The following CNTNAP4 variants were observed in gnomAD, a reference collection of about 807,000 sequenced individuals.
CNTNAP4 encodes the protein contactin-associated protein-like 4.
A neutral mutation model predicts 148.4 loss-of-function variants in CNTNAP4; 98 were observed. The observed-to-expected ratio is 0.66, with a 90% CI of 0.56 to 0.78. The LOEUF is 0.78. Among genes scored for constraint, CNTNAP4 ranks in the 30% least tolerant of loss-of-function variants. CNTNAP4 has a pLI of 0.00. For synonymous variants in CNTNAP4, 730 were observed against 565.1 expected (o/e 1.29, Z -4.14); for missense variants, 1,935 against 1,565.6 (o/e 1.24, Z -3.98).
Position 76,396,401 on chromosome 16 carries a change from T to C in CNTNAP4, c.391-31051T>C, listed in dbSNP as rs150521192. Among the ~76,000 whole-genome samples, 189 of 152,252 alleles carry C rather than the reference T, an allele frequency of 1.2e-3. 1 individual carries two copies. In the East Asian group the frequency reaches 0.023, roughly 18 times the overall value. The stretch of plus-strand genomic sequence containing the variant: ...GATGCACCCTATGTGAGTATCCTAA[T>C]TTTTATCAAGGAGGTAGGAAGAATG... On this transcript the variant is annotated intron_variant, in intron 3 of 23. Coordinates refer to ENST00000611870, the MANE Select transcript of CNTNAP4 (RefSeq NM_033401.5).
At chr16:76,372,515 T>G (rs1043978017) in intron 3 of CNTNAP4, among the ~76,000 whole-genome samples, 3 of 152,140 alleles carry the variant, frequency 2.0e-5, no homozygotes, top group Non-Finnish European at 2.9e-5. Flanking sequence ...AGGGACCCAA[T>G]GTGAGATAAT....
chr16:76,389,717 C>T (rs1026224753), intron 3 of CNTNAP4, among the ~76,000 whole-genome samples: 1 of 152,138 alleles, frequency 6.6e-6, no homozygotes, highest in Non-Finnish European at 1.5e-5. Context: ...CTGCCTGACT[C>T]AGCCTCCCAA....
Position 76,494,964 on chromosome 16 carries a change from G to T in CNTNAP4, c.2135G>T (p.Trp712Leu), listed in dbSNP as rs2082350316. Residue 712 changes from tryptophan to leucine, a missense_variant, in exon 14 of 24, where the codon TGG becomes TTG. Coordinates refer to ENST00000611870, the MANE Select transcript of CNTNAP4 (RefSeq NM_033401.5). ...AGAACCAATGAAACGCAAACCTACT[G>T]GGGAGGTTCTTCGCCTGATCTTCAA... ...VGRTNETQTY[W>L]GGSSPDLQKC... is the part of the protein sequence containing the mutation. The T allele has an allele frequency of 6.2e-7, 1 of 1,613,466 alleles. No homozygotes were observed. Among genetic ancestry groups the T allele is most frequent in the Admixed American group, 1.7e-5 (1 of 59,980 alleles).
intron 12 of CNTNAP4, among the ~76,000 whole-genome samples, chr16:76,486,206 C>T (rs546223999): frequency 1.3e-5 from 2 of 152,162 alleles, no homozygotes; most frequent in Admixed American, 1.3e-4. Context: ...TCCCTGTCTC[C>T]TTACCCTACC....
intron 4 of CNTNAP4, among the ~76,000 whole-genome samples, chr16:76,439,604 T>G (rs2079960685): frequency 6.6e-6 from 1 of 152,164 alleles, no homozygotes; most frequent in Non-Finnish European, 1.5e-5. Context: ...CAAATCTGTT[T>G]AAAAGATTAA....
intron 3 of CNTNAP4, among the ~76,000 whole-genome samples, chr16:76,398,363 A>G (rs1044803870): frequency 6.6e-5 from 10 of 152,024 alleles, no homozygotes; most frequent in Non-Finnish European, 1.0e-4. Flanking sequence ...TTGACACTCA[A>G]TATTAACCAT....
chr16:76,346,974 G>GCA (rs1434276744), intron 2 of CNTNAP4, among the ~76,000 whole-genome samples: 16 of 152,158 alleles, frequency 1.1e-4, no homozygotes, highest in Non-Finnish European at 2.1e-4. Flanking sequence ...AACTAAAACA[G>GCA]AAGACAATTT....
chr16:76,533,825 T>C (rs1476478529), intron 17 of CNTNAP4, among the ~76,000 whole-genome samples: 2 of 152,164 alleles, frequency 1.3e-5, no homozygotes, highest in Non-Finnish European at 2.9e-5. Flanking sequence ...TCTAGATTTA[T>C]AAATAGATTT....
chr16:76,392,727 G>C (rs1384571619), intron 3 of CNTNAP4, among the ~76,000 whole-genome samples: 2 of 152,162 alleles, frequency 1.3e-5, no homozygotes, highest in Non-Finnish European at 2.9e-5. Context: ...TTAGGGAGGA[G>C]CTCTTTTTTG....
intron 8 of CNTNAP4, among the ~76,000 whole-genome samples, chr16:76,461,229 T>G (rs997623233): frequency 6.6e-6 from 1 of 152,106 alleles, no homozygotes; most frequent in Non-Finnish European, 1.5e-5. Flanking sequence ...AAAACATTAT[T>G]TACAGTATGA....
intron 3 of CNTNAP4, among the ~76,000 whole-genome samples, chr16:76,368,129 T>C (rs1391636455): frequency 2.6e-5 from 4 of 152,212 alleles, no homozygotes; most frequent in African/African-American, 7.2e-5. Flanking sequence ...GTACAAAACA[T>C]ACCAGCAGGA....
In CNTNAP4 at chr16:76,495,206, G is replaced by T. The variant is rs549037167; in HGVS notation, c.2237+140G>T. 9 of 818,102 alleles carry T rather than the reference G, an allele frequency of 1.1e-5. 1 individual carries two copies. Among genetic ancestry groups the T allele is most frequent in the Non-Finnish European group, 1.7e-5 (9 of 519,720 alleles). 50.7% of individuals were successfully genotyped at this position (818,102 alleles called of 1,614,324 possible). ...TAAAGGTTTGTTTTAATGAAACGTGGTGTAGTCAATATAATCGTTAGTATT... is the reference window on the plus strand; with the variant it reads ...TAAAGGTTTGTTTTAATGAAACGTGTTGTAGTCAATATAATCGTTAGTATT... On this transcript the variant is annotated intron_variant, in intron 14 of 23. Transcript: ENST00000611870.
chr16:76,475,656 A>T (rs78010884), intron 10 of CNTNAP4, among the ~76,000 whole-genome samples: 2,299 of 152,286 alleles, frequency 0.015, 71 homozygotes, highest in African/African-American at 0.053. Flanking sequence ...TTCTGCCAAC[A>T]TATTGAATTC....
intron 3 of CNTNAP4, among the ~76,000 whole-genome samples, chr16:76,398,969 G>A (rs2078307368): frequency 6.6e-6 from 1 of 151,962 alleles, no homozygotes; most frequent in South Asian, 2.1e-4. Context: ...TTGAATTATG[G>A]GGCAGTTTTC....
At chr16:76,364,806 T>C (rs1250894547) in intron 3 of CNTNAP4, among the ~76,000 whole-genome samples, 1 of 152,212 alleles carries the variant, frequency 6.6e-6, no homozygotes, top group Non-Finnish European at 1.5e-5. Context: ...AAAAAATATT[T>C]ACAACTATTC....
chr16:76,482,430 CA>C (rs67310374), intron 12 of CNTNAP4, among the ~76,000 whole-genome samples: 16,311 of 96,938 alleles, frequency 0.17, 1,110 homozygotes, highest in South Asian at 0.25. Context: ...CTGTTTTACA[CA>C]ATTTTTTTTT....
At chr16:76,326,353 G>A (rs1424847930) in intron 2 of CNTNAP4, among the ~76,000 whole-genome samples, 2 of 152,182 alleles carry the variant, frequency 1.3e-5, no homozygotes, top group African/African-American at 4.8e-5. Flanking sequence ...AATATCAAAA[G>A]CCAGGACTCC....
intron 1 of CNTNAP4, among the ~76,000 whole-genome samples, chr16:76,312,412 G>T (rs1961224700): frequency 6.6e-6 from 1 of 152,142 alleles, no homozygotes; most frequent in African/African-American, 2.4e-5. Context: ...TGCAGTCAGA[G>T]AAAACTGGTT....
chr16:76,304,272 C>G (rs941264116), intron 1 of CNTNAP4, among the ~76,000 whole-genome samples: 1 of 152,126 alleles, frequency 6.6e-6, no homozygotes, highest in Non-Finnish European at 1.5e-5. Flanking sequence ...AAGAGCTACA[C>G]TTGTAATCAC....
Sources: allele counts gnomAD v4.1 joint callset (sites outside exome capture counted in the v4.1 genomes callset), GRCh38; gene constraint gnomAD v4.1.1; transcripts MANE v1.5; gene names NCBI Gene and HGNC (gene_info 2026-07-23, HGNC 2026-07-21).